MFSD1: variants seen among roughly 807,000 people sequenced by gnomAD.
MFSD1 encodes major facilitator superfamily domain containing 1.
A neutral mutation model predicts 67.1 loss-of-function variants in MFSD1; 59 were observed. That is an observed-to-expected ratio of 0.88 (90% CI 0.71 to 1.09). MFSD1 has a LOEUF of 1.09. Among genes scored for constraint, MFSD1 ranks in the 50% least tolerant of loss-of-function variants. The pLI, the probability that MFSD1 is intolerant of heterozygous loss-of-function variation, is 0.00. For missense variants in MFSD1, 552 were observed against 566.1 expected (o/e 0.97, Z 0.25); for synonymous variants, 213 against 200.3 (o/e 1.06, Z -0.54).
chr3:158,814,059 T>C lies in MFSD1; in HGVS notation c.644T>C (p.Leu215Pro). 1 of 1,611,908 alleles carries C rather than the reference T, an allele frequency of 6.2e-7. No homozygotes were observed. Among genetic ancestry groups the C allele is most frequent in the Non-Finnish European group, 8.5e-7 (1 of 1,178,352 alleles). Residue 215 changes from leucine to proline, a missense_variant, in exon 7 of 16, where the codon CTT becomes CCT. Physicochemically the swap from Leu to Pro is moderately conservative, Grantham distance 98. Transcript: ENST00000415822. ...SAGHTTLGIT[L>P]MIGGITCILS... ...GGTCACACAACCCTCGGGATCACACTTATGATTGGTGAGTGAATCCCATGT... is the reference window on the plus strand; with the variant it reads ...GGTCACACAACCCTCGGGATCACACCTATGATTGGTGAGTGAATCCCATGT...
Position 158,824,247 on chromosome 3 carries a change from CG to C in MFSD1, c.1288+12del. 6.5e-7 allele frequency: 1 copy of C among 1,542,430 alleles called. No individual in the cohort carries two copies. Among genetic ancestry groups the C allele is most frequent in the South Asian group, 1.1e-5 (1 of 88,988 alleles). On this transcript the variant is annotated intron_variant, in intron 13 of 15. Coordinates refer to ENST00000415822, the MANE Select transcript of MFSD1 (RefSeq NM_022736.4). ...TTGCCTGTGTTTCTTGTGAGTATTC[CG>C]TATGACAACATTTTGTTTCTTTTAC... is the stretch of plus-strand genomic sequence containing the variant.
At position 158,824,071 on chromosome 3, in the gene MFSD1, A is replaced by G. The variant is rs780970192; in HGVS notation, c.1176-53A>G. On this transcript the variant is annotated intron_variant, in intron 12 of 15. Coordinates refer to ENST00000415822, the MANE Select transcript of MFSD1 (RefSeq NM_022736.4). ...AATATTTATAGTGAAGTGTTAGCCT[A>G]TGTGTGAAGACTTTTGAAAATGAAA... 196 of 1,202,006 alleles carry G rather than the reference A, an allele frequency of 1.6e-4. 1 individual carries two copies. Among genetic ancestry groups the G allele is most frequent in the Non-Finnish European group, 2.2e-4 (181 of 814,986 alleles). The allele number at this position is 1,202,006 out of a possible 1,614,324, so 74.5% of individuals were successfully genotyped here.
chr3:158,817,796 A>G (rs902900696), intron 7 of MFSD1, among the ~76,000 whole-genome samples: 2 of 152,200 alleles, frequency 1.3e-5, no homozygotes, highest in Non-Finnish European at 2.9e-5. Context: ...CGCCAAGTCA[A>G]TCCTAAGCCA....
In MFSD1 at chr3:158,802,387, CG is replaced by C. The variant is rs1273299290; in HGVS notation, c.163+73del. 4.5e-6 allele frequency: 7 copies of C among 1,564,756 alleles called. No individual in the cohort carries two copies. The Admixed American group carries it at 1.2e-4, about 26-fold the overall frequency. On this transcript the variant is annotated intron_variant, in intron 1 of 15. Coordinates refer to ENST00000415822, the MANE Select transcript of MFSD1 (RefSeq NM_022736.4). The stretch of plus-strand genomic sequence containing the variant: ...CTTTCTCTTCGAGGTAGATCGTCAT[CG>C]TGGTCACTGGTGCCACGGGGCCTCA...
Position 158,827,911 on chromosome 3 carries a change from A to G in MFSD1, c.1394+574A>G, listed in dbSNP as rs79569370. Among the ~76,000 whole-genome samples the G allele has an allele frequency of 2.3e-3, 207 of 90,450 alleles. 2 individuals are homozygous for G. The East Asian group carries it at 0.041, about 18-fold the overall frequency. The allele number at this position is 90,450 out of a possible 152,430, so 59.3% of individuals were successfully genotyped here. A position where few individuals can be genotyped will look rare whatever the true frequency, so the allele number is the denominator to read the frequency against. On this transcript the variant is annotated intron_variant, in intron 15 of 15. Transcript: ENST00000415822. ...CAGAGAGAGACACAGAGAGAGAGAGAGGGGGAGAGAGAGAGAGAGAGAGAG... is the reference window on the plus strand; with the variant it reads ...CAGAGAGAGACACAGAGAGAGAGAGGGGGGGAGAGAGAGAGAGAGAGAGAG...
At chr3:158,807,305 T>G (rs1729777781) in intron 4 of MFSD1, 91 bp from the exon 5 acceptor site, 5 of 1,069,838 alleles carry the variant, frequency 4.7e-6, no homozygotes, top group Non-Finnish European at 7.1e-6. Flanking sequence ...AAAACTATTG[T>G]AGAAGTTGAG....
intron 1 of MFSD1, among the ~76,000 whole-genome samples, chr3:158,803,296 C>A (rs1342654276): frequency 6.6e-6 from 1 of 152,082 alleles, no homozygotes; most frequent in Non-Finnish European, 1.5e-5. Context: ...TATTCTAGCG[C>A]TGAACATATA....
At chr3:158,815,749 C>T (rs1380741824) in intron 7 of MFSD1, among the ~76,000 whole-genome samples, 1 of 151,256 alleles carries the variant, frequency 6.6e-6, no homozygotes, top group African/African-American at 2.4e-5. Flanking sequence ...GTGTGCTGCA[C>T]CCATTAACTC....
chr3:158,813,695 G>C (rs1730155948), intron 6 of MFSD1, among the ~76,000 whole-genome samples: 1 of 148,940 alleles, frequency 6.7e-6, no homozygotes, highest in South Asian at 2.1e-4. Flanking sequence ...TTTCACTTTT[G>C]CTTTGGCTGG....
In MFSD1 at chr3:158,804,370, G is replaced by A. The variant is rs771278353; in HGVS notation, c.215G>A (p.Arg72Gln). The change falls in exon 2 of 16, where the codon CGA becomes CAA. Residue 72 changes from arginine to glutamine, a missense_variant and splice_region_variant. Physicochemically the swap from Arg to Gln is conservative, Grantham distance 43 (BLOSUM62 1). Transcript: ENST00000415822. Reference sequence around the variant, plus strand: ...GCTGCCCTTCAGACTCAAGTTAAACGAGTAAGTTGATTTTTCACTCTTGTT... The same window carrying A: ...GCTGCCCTTCAGACTCAAGTTAAACAAGTAAGTTGATTTTTCACTCTTGTT... The part of the protein sequence containing the change: ...NPAALQTQVK[R>Q]DMQVNTTKFM... The A allele has an allele frequency of 1.1e-5, 17 of 1,609,738 alleles. No individual in the cohort carries two copies. Among genetic ancestry groups the A allele is most frequent in the Non-Finnish European group, 1.4e-5 (16 of 1,178,490 alleles).
chr3:158,829,122 C>A lies in MFSD1; in HGVS notation c.*140C>A. On this transcript the variant is annotated 3_prime_UTR_variant, in exon 16 of 16. Transcript: ENST00000415822. The stretch of plus-strand genomic sequence containing the variant: ...TATTTATATCCAAATATACCTATTT[C>A]AAAGTGTATTTGTGAGGCCTGTTTT... 1.4e-6 allele frequency: 1 copy of A among 697,590 alleles called. No homozygotes were observed. Among genetic ancestry groups the A allele is most frequent in the Non-Finnish European group, 2.2e-6 (1 of 453,132 alleles). 43.2% of individuals were successfully genotyped at this position (697,590 alleles called of 1,614,324 possible).
chr3:158,808,811 T>C lies in MFSD1; in HGVS notation c.441-368T>C, dbSNP rs1729855431. On this transcript the variant is annotated intron_variant, in intron 5 of 15. Coordinates refer to ENST00000415822, the MANE Select transcript of MFSD1 (RefSeq NM_022736.4). Reference sequence around the variant, plus strand: ...TGGGATCATCTGAAAGCTTATTGACTCACATGTTTGGCACCTGGACTGGGA... The same window carrying C: ...TGGGATCATCTGAAAGCTTATTGACCCACATGTTTGGCACCTGGACTGGGA... Among the ~76,000 whole-genome samples the C allele has an allele frequency of 2.0e-5, 3 of 152,140 alleles. No homozygotes were observed. The South Asian group carries it at 6.2e-4, about 32-fold the overall frequency.
intron 1 of MFSD1, 188 bp downstream of exon 1, chr3:158,802,503 G>A: frequency 1.3e-6 from 1 of 779,784 alleles, no homozygotes; most frequent in Non-Finnish European, 2.2e-6. Flanking sequence ...TAGTTACTCC[G>A]CGTCCGGAAC....
chr3:158,814,099 C>A (rs1293050695), intron 7 of MFSD1, 32 bp downstream of exon 7: 1 of 1,509,164 alleles, frequency 6.6e-7, no homozygotes, highest in Admixed American at 1.7e-5. Flanking sequence ...CATCTCTCCT[C>A]TTCTGAAGGC....
Position 158,823,426 on chromosome 3 carries a change from A to G in MFSD1, c.1078-2A>G, listed in dbSNP as rs779979536. 6.2e-7 allele frequency: 1 copy of G among 1,607,056 alleles called. No homozygotes were observed. The highest frequency in any genetic ancestry group is 8.5e-7 in the Non-Finnish European group (1 of 1,173,610). ...TGACCTTTTCTGCGTTGCTTTCTGT[A>G]GTGTCTTCTGGGACTCTCCTACTCA... On this transcript the variant is annotated splice_acceptor_variant, in intron 11 of 15. Transcript: ENST00000415822. LOFTEE classifies it high-confidence loss of function.
At position 158,827,343 on chromosome 3, in the gene MFSD1, T is replaced by C. The variant is rs767985412; in HGVS notation, c.1394+6T>C. The C allele has an allele frequency of 1.3e-6, 2 of 1,488,298 alleles. No individual in the cohort carries two copies. The highest frequency in any genetic ancestry group is 4.7e-5 in the Admixed American group (2 of 43,006). The allele number at this position is 1,488,298 out of a possible 1,614,324, so 92.2% of individuals were successfully genotyped here. A position where few individuals can be genotyped will look rare whatever the true frequency, so the allele number is the denominator to read the frequency against. Reference sequence around the variant, plus strand: ...ATAAAATTTTCCCATACTGAGTAAGTATTAAAAGGGTAAAAAGTTGTCTTT... The same window carrying C: ...ATAAAATTTTCCCATACTGAGTAAGCATTAAAAGGGTAAAAAGTTGTCTTT... On this transcript the variant is annotated splice_donor_region_variant and intron_variant, in intron 15 of 15. Transcript: ENST00000415822.
In MFSD1 at chr3:158,821,994, G is replaced by A. The variant is rs1576913246; in HGVS notation, c.931G>A (p.Val311Ile). The A allele has an allele frequency of 6.2e-7, 1 of 1,613,624 alleles. No homozygotes were observed. Among genetic ancestry groups the A allele is most frequent in the Non-Finnish European group, 8.5e-7 (1 of 1,179,674 alleles). The change falls in exon 11 of 16, where the codon GTC becomes ATC. Residue 311 changes from valine (V) to isoleucine (I), a missense_variant. Coordinates refer to ENST00000415822, the MANE Select transcript of MFSD1 (RefSeq NM_022736.4). ...GTGTTCTCTGGGCAGTGTTGTATATGTCATATCAGCTCCCATGTCCCCGGT... is the reference window on the plus strand; with the variant it reads ...GTGTTCTCTGGGCAGTGTTGTATATATCATATCAGCTCCCATGTCCCCGGT... ...AASAINSVVY[V>I]ISAPMSPVFG...
Position 158,804,362 on chromosome 3 carries a change from A to G in MFSD1, c.207A>G (p.Gln69=), listed in dbSNP as rs772540323. Residue 69 remains glutamine, a synonymous_variant, in exon 2 of 16, where the codon CAA becomes CAG. Transcript: ENST00000415822. ...ATAATCCTGCTGCCCTTCAGACTCA[A>G]GTTAAACGAGTAAGTTGATTTTTCA... The part of the protein sequence containing the change: ...CYDNPAALQT[Q]VKRDMQVNTT... The G allele has an allele frequency of 2.5e-6, 4 of 1,610,734 alleles. No homozygotes were observed. Among genetic ancestry groups the G allele is most frequent in the Non-Finnish European group, 3.4e-6 (4 of 1,178,922 alleles).
intron 11 of MFSD1, 55 bp downstream of exon 11, chr3:158,822,195 T>C: frequency 6.5e-7 from 1 of 1,541,634 alleles, no homozygotes; most frequent in South Asian, 1.2e-5. Flanking sequence ...GAGTCTGTCA[T>C]GTTCATCTAA....
Sources: gnomAD v4.1 joint callset for allele counts (sites outside exome capture counted in the v4.1 genomes callset) on GRCh38, gnomAD v4.1.1 for gene constraint, MANE v1.5 for transcripts, NCBI Gene and HGNC (gene_info 2026-07-23, HGNC 2026-07-21) for gene names.